Variants in PRKCB observed in about 807,000 individuals in gnomAD.
PRKCB encodes protein kinase C beta type.
Under a neutral mutation model 81.5 loss-of-function variants are expected in PRKCB, and 13 were observed. The observed-to-expected ratio is 0.16, with a 90% CI of 0.10 to 0.25. The LOEUF is 0.25. Among genes scored for constraint, PRKCB ranks in the 10% least tolerant of loss-of-function variants. The pLI is 1.00. For missense variants in PRKCB, 509 were observed against 875.7 expected (o/e 0.58, Z 5.29); for synonymous variants, 335 against 321.4 (o/e 1.04, Z -0.45).
intron 2 of PRKCB, among the ~76,000 whole-genome samples, chr16:23,874,208 G>A (rs1435137972): frequency 2.0e-5 from 3 of 152,206 alleles, no homozygotes; most frequent in African/African-American, 4.8e-5. Context: ...AAACGGCAGC[G>A]TAGGATTTTG....
Position 24,217,738 on chromosome 16 carries a change from G to A in PRKCB, c.*2922G>A, listed in dbSNP as rs1043217572. ...TAAGAGGCCCACAGGCAGGGAAAGC[G>A]AAATAGGGTTGATGAGACCAGGGGA... On this transcript the variant is annotated 3_prime_UTR_variant, in exon 17 of 17. Transcript: ENST00000643927. 75 of 985,438 alleles carry A rather than the reference G, an allele frequency of 7.6e-5. No homozygotes were observed. Among genetic ancestry groups the A allele is most frequent in the Middle Eastern group, 1.0e-3 (2 of 1,914 alleles). The allele number at this position is 985,438 out of a possible 1,614,324, so 61.0% of individuals were successfully genotyped here.
chr16:23,921,566 A>G (rs1963825602), intron 2 of PRKCB, among the ~76,000 whole-genome samples: 1 of 152,160 alleles, frequency 6.6e-6, no homozygotes, highest in African/African-American at 2.4e-5. Flanking sequence ...CTTTGGGATT[A>G]CAGGTGGGCA....
At chr16:23,932,012 G>C (rs1046690648) in intron 2 of PRKCB, among the ~76,000 whole-genome samples, 1 of 152,082 alleles carries the variant, frequency 6.6e-6, no homozygotes, top group Non-Finnish European at 1.5e-5. Flanking sequence ...AATAGAAGTG[G>C]CCAATGCTAT....
At chr16:23,892,495 C>T (rs1302453803) in intron 2 of PRKCB, among the ~76,000 whole-genome samples, 1 of 152,170 alleles carries the variant, frequency 6.6e-6, no homozygotes, top group Non-Finnish European at 1.5e-5. Flanking sequence ...TCCAAGACAA[C>T]AAAATTATTT....
chr16:23,879,555 A>T (rs143580535), intron 2 of PRKCB, among the ~76,000 whole-genome samples: 2,072 of 125,218 alleles, frequency 0.017, 57 homozygotes, highest in African/African-American at 0.06. Flanking sequence ...GTGCAGAAGC[A>T]TGATCTCAGC....
At chr16:23,839,310 T>G (rs7200394) in intron 2 of PRKCB, among the ~76,000 whole-genome samples, 109,162 of 146,338 alleles carry the variant, frequency 0.75, 40,718 homozygotes, top group Admixed American at 0.78. Flanking sequence ...GTCTCACTCT[T>G]TTGCCCCGGC....
chr16:23,882,927 G>A (rs1175491967), intron 2 of PRKCB, among the ~76,000 whole-genome samples: 1 of 152,064 alleles, frequency 6.6e-6, no homozygotes, highest in Non-Finnish European at 1.5e-5. Context: ...AGATCCTGAA[G>A]TGGAATTGCT....
chr16:23,860,723 T>TA (rs112284849), intron 2 of PRKCB, among the ~76,000 whole-genome samples: 4,360 of 140,900 alleles, frequency 0.031, 86 homozygotes, highest in South Asian at 0.065. Flanking sequence ...CCATCTCTAC[T>TA]AAAAAAAAAA....
intron 7 of PRKCB, among the ~76,000 whole-genome samples, chr16:24,106,050 T>TA (rs1966572908): frequency 6.6e-6 from 1 of 151,890 alleles, no homozygotes; most frequent in Non-Finnish European, 1.5e-5. Flanking sequence ...TTACTTTTTT[T>TA]TAAAAAAACT....
chr16:24,085,264 G>C (rs1190755109), intron 5 of PRKCB, among the ~76,000 whole-genome samples: 1 of 152,148 alleles, frequency 6.6e-6, no homozygotes, highest in Non-Finnish European at 1.5e-5. Context: ...GACTGGAGTG[G>C]AGAGGAGGTC....
chr16:24,158,208 A>G (rs1967192935), intron 10 of PRKCB, among the ~76,000 whole-genome samples: 1 of 152,236 alleles, frequency 6.6e-6, no homozygotes, highest in Non-Finnish European at 1.5e-5. Context: ...CACTCTGCGC[A>G]TATGCTCATT....
intron 12 of PRKCB, among the ~76,000 whole-genome samples, chr16:24,176,918 A>G (rs1297516198): frequency 6.6e-6 from 1 of 151,714 alleles, no homozygotes; most frequent in Non-Finnish European, 1.5e-5. Context: ...AAAAGTACAC[A>G]TGATCCGCCA....
intron 16 of PRKCB, chr16:24,203,240 A>C (rs1211413859): frequency 6.8e-6 from 1 of 146,880 alleles, no homozygotes; most frequent in Non-Finnish European, 1.5e-5. Context: ...TGACAGAGTG[A>C]GACCCTGTCT....
chr16:24,156,448 A>T (rs7188731), intron 10 of PRKCB, among the ~76,000 whole-genome samples: 4,700 of 151,976 alleles, frequency 0.031, 252 homozygotes, highest in African/African-American at 0.11. Flanking sequence ...CTAATTTTTG[A>T]ACTTTTAGTA....
intron 9 of PRKCB, among the ~76,000 whole-genome samples, chr16:24,141,321 A>G (rs1195563523): frequency 2.0e-5 from 3 of 152,050 alleles, no homozygotes; most frequent in Admixed American, 2.0e-4. Context: ...CAGCCTCCCA[A>G]GTAGCTGGGA....
In PRKCB at chr16:24,092,918, C is replaced by T. The variant is rs1388565193; in HGVS notation, c.657C>T (p.Leu219=). ...AGACCAAAACCATCAAATGCTCCCT[C>T]AACCCTGAGTGGAATGAGACATTTA... ...KQKTKTIKCS[L]NPEWNETFRF... The change falls in exon 6 of 17, where the codon CTC becomes CTT. Residue 219 remains leucine, a synonymous_variant. Transcript: ENST00000643927. 1 of 1,614,036 alleles carries T rather than the reference C, an allele frequency of 6.2e-7. No individual in the cohort carries two copies. The highest frequency in any genetic ancestry group is 1.7e-5 in the Admixed American group (1 of 60,020).
intron 2 of PRKCB, among the ~76,000 whole-genome samples, chr16:23,979,968 C>T (rs1309437836): frequency 6.6e-6 from 1 of 152,128 alleles, no homozygotes; most frequent in Admixed American, 6.5e-5. Flanking sequence ...GCCTGTAGTC[C>T]CATCTACTCA....
intron 16 of PRKCB, among the ~76,000 whole-genome samples, chr16:24,194,277 G>A (rs144267902): frequency 1.3e-5 from 2 of 152,178 alleles, no homozygotes; most frequent in East Asian, 1.9e-4. Context: ...AGTGAGCTGA[G>A]ATTGTGCCAT....
intron 3 of PRKCB, among the ~76,000 whole-genome samples, chr16:23,992,566 G>T (rs1328930618): frequency 1.3e-5 from 2 of 152,138 alleles, no homozygotes; most frequent in East Asian, 3.9e-4. Context: ...TAATGTCTCT[G>T]GACAAAGTGG....
Sources: gnomAD v4.1 joint callset for allele counts (sites outside exome capture counted in the v4.1 genomes callset) on GRCh38, gnomAD v4.1.1 for gene constraint, MANE v1.5 for transcripts, NCBI Gene and HGNC (gene_info 2026-07-23, HGNC 2026-07-21) for gene names.